The following APBA1 variants were observed in gnomAD, a reference collection of about 807,000 sequenced individuals.
APBA1 encodes the protein amyloid-beta A4 precursor protein-binding family A member 1.
APBA1 carries 55 observed loss-of-function variants against 86.6 expected under a neutral mutation model. The ratio of observed to expected loss-of-function variants is 0.64; its 90% CI spans 0.51 to 0.80. The LOEUF is 0.80. Among genes scored for constraint, APBA1 ranks in the 30% least tolerant of loss-of-function variants. APBA1 has a pLI of 0.00. For synonymous variants in APBA1, 511 were observed against 493.9 expected (o/e 1.03, Z -0.46); for missense variants, 1,090 against 1,183.0 (o/e 0.92, Z 1.15).
At chr9:69,586,322 A>G (rs907762619) in intron 1 of APBA1, among the ~76,000 whole-genome samples, 7 of 152,188 alleles carry the variant, frequency 4.6e-5, no homozygotes, top group Non-Finnish European at 7.3e-5. Flanking sequence ...TTGTTTATAC[A>G]TCTCTTATTA....
intron 1 of APBA1, among the ~76,000 whole-genome samples, chr9:69,573,204 G>T (rs959819511): frequency 3.9e-5 from 6 of 152,134 alleles, no homozygotes; most frequent in African/African-American, 1.4e-4. Flanking sequence ...CAATTTGGCT[G>T]GGCGCAGTGG....
At chr9:69,635,224 A>C (rs1823131381) in intron 1 of APBA1, among the ~76,000 whole-genome samples, 1 of 152,206 alleles carries the variant, frequency 6.6e-6, no homozygotes, top group Non-Finnish European at 1.5e-5. Context: ...CAGGGGATGA[A>C]GTTAAAGCAT....
intron 1 of APBA1, among the ~76,000 whole-genome samples, chr9:69,645,322 C>T (rs1823370798): frequency 6.6e-6 from 1 of 152,206 alleles, no homozygotes; most frequent in Non-Finnish European, 1.5e-5. Context: ...GTCAATTTCT[C>T]TAACATGATT....
intron 1 of APBA1, among the ~76,000 whole-genome samples, chr9:69,638,757 T>C (rs1273099288): frequency 1.3e-5 from 2 of 152,210 alleles, no homozygotes; most frequent in African/African-American, 4.8e-5. Flanking sequence ...TAGGCAAGTA[T>C]ATGCAAAATC....
intron 11 of APBA1, among the ~76,000 whole-genome samples, chr9:69,434,693 C>G (rs1370976317): frequency 6.8e-6 from 1 of 146,038 alleles, no homozygotes; most frequent in Non-Finnish European, 1.5e-5. Context: ...GATGACAGAG[C>G]GAGACTCCAT....
At chr9:69,597,031 T>C (rs58667541) in intron 1 of APBA1, among the ~76,000 whole-genome samples, 12,259 of 152,276 alleles carry the variant, frequency 0.081, 723 homozygotes, top group African/African-American at 0.16. Context: ...TAAATTATGT[T>C]TGGCACATTC....
intron 1 of APBA1, among the ~76,000 whole-genome samples, chr9:69,557,116 C>G (rs1836875165): frequency 6.6e-6 from 1 of 152,180 alleles, no homozygotes; most frequent in African/African-American, 2.4e-5. Context: ...TATCCACGAT[C>G]ATGAATACTA....
chr9:69,520,658 C>T (rs1302946155), intron 1 of APBA1, among the ~76,000 whole-genome samples: 1 of 152,164 alleles, frequency 6.6e-6, no homozygotes, highest in East Asian at 1.9e-4. Flanking sequence ...AGAAATCACA[C>T]CTCCTCACCT....
At chr9:69,514,754 A>G (rs138782947) in intron 2 of APBA1, among the ~76,000 whole-genome samples, 2 of 152,070 alleles carry the variant, frequency 1.3e-5, no homozygotes, top group East Asian at 3.9e-4. Flanking sequence ...ACTAAAAAAT[A>G]CAAAAATTAG....
intron 1 of APBA1, among the ~76,000 whole-genome samples, chr9:69,588,802 T>C (rs1822072608): frequency 6.6e-6 from 1 of 152,228 alleles, no homozygotes; most frequent in Non-Finnish European, 1.5e-5. Flanking sequence ...TCCCTGTAAC[T>C]AGTGCCTCCA....
chr9:69,432,796 G>A, intron 11 of APBA1, 120 bp from the exon 12 acceptor site: 1 of 1,062,406 alleles, frequency 9.4e-7, no homozygotes, highest in Non-Finnish European at 1.3e-6. Context: ...ACATGGTTAG[G>A]CTTTGGGCAT....
chr9:69,516,102 G>T lies in APBA1; in HGVS notation c.1109C>A (p.Thr370Asn). 1 of 1,613,686 alleles carries T rather than the reference G, an allele frequency of 6.2e-7. No homozygotes were observed. Among genetic ancestry groups the T allele is most frequent in the South Asian group, 1.1e-5 (1 of 91,060 alleles). The change falls in exon 2 of 13, where the codon ACC (threonine) becomes AAC (asparagine). Residue 370 changes from threonine to asparagine, a missense_variant. Thr to Asn is a moderately conservative substitution (Grantham distance 65). Transcript: ENST00000265381. The surrounding 1 kb of genome is among the most constrained non-coding windows in gnomAD (Gnocchi z 7.3). ...GATGGGCTCTTTGGGCTCGTCGGGG[G>T]TGTAAGGCGAACGGATGGTCCTGGT... ...VKTRTIRSPYTPDEPKEPIWV... is the reference protein window; with the variant it reads ...VKTRTIRSPYNPDEPKEPIWV...
At chr9:69,437,303 G>T (rs1834745375) in intron 11 of APBA1, among the ~76,000 whole-genome samples, 1 of 151,304 alleles carries the variant, frequency 6.6e-6, no homozygotes, top group Admixed American at 6.6e-5. Context: ...AAATGAGTTA[G>T]GGAGGATTCC....
rs541985961 is a variant in APBA1 at position 69,644,917 on chromosome 9, T to C, written c.-70+27236A>G. On this transcript the variant is annotated intron_variant, in intron 1 of 12. Transcript: ENST00000265381. ...GATTATTCAGGGTAGAAGATGATTATGGCCTAGATAGGGCTCTGGAAACAG... is the reference window on the plus strand; with the variant it reads ...GATTATTCAGGGTAGAAGATGATTACGGCCTAGATAGGGCTCTGGAAACAG... 3.3e-5 allele frequency among the ~76,000 whole-genome samples: 5 copies of C among 152,098 alleles called. No individual in the cohort carries two copies. The South Asian group carries it at 8.3e-4, about 25-fold the overall frequency.
intron 1 of APBA1, among the ~76,000 whole-genome samples, chr9:69,593,572 C>T (rs1187087081): frequency 6.6e-6 from 1 of 152,166 alleles, no homozygotes; most frequent in Non-Finnish European, 1.5e-5. Flanking sequence ...ATATGTGGCT[C>T]AGGAAATTAC....
intron 2 of APBA1, among the ~76,000 whole-genome samples, chr9:69,501,247 G>A (rs1007719263): frequency 2.6e-5 from 4 of 152,092 alleles, no homozygotes; most frequent in Admixed American, 6.5e-5. Context: ...AGCAGTCAGC[G>A]AAGACTGTGT....
intron 1 of APBA1, among the ~76,000 whole-genome samples, chr9:69,659,744 C>G (rs1341500448): frequency 6.6e-6 from 1 of 152,162 alleles, no homozygotes; most frequent in Non-Finnish European, 1.5e-5. Flanking sequence ...AAAATTCTGT[C>G]TTTAGGACTA....
intron 5 of APBA1, among the ~76,000 whole-genome samples, chr9:69,467,178 A>G (rs2001699): frequency 0.098 from 14,987 of 152,218 alleles, 889 homozygotes; most frequent in East Asian, 0.27. Flanking sequence ...CCAGTTCTGG[A>G]TGGTTCAAAC....
At chr9:69,543,842 C>A (rs955813241) in intron 1 of APBA1, among the ~76,000 whole-genome samples, 10 of 152,198 alleles carry the variant, frequency 6.6e-5, no homozygotes, top group African/African-American at 2.2e-4. Flanking sequence ...TGAAATTTCC[C>A]TGCTTAACCT....
Sources: gnomAD v4.1 joint callset for allele counts (sites outside exome capture counted in the v4.1 genomes callset) on GRCh38, gnomAD v4.1.1 for gene constraint, Gnocchi (gnomAD v3.1) non-coding constraint, MANE v1.5 for transcripts, NCBI Gene and HGNC (gene_info 2026-07-23, HGNC 2026-07-21) for gene names.